The following TTLL11 variants were observed in gnomAD, a reference collection of about 807,000 sequenced individuals.
TTLL11 encodes tubulin polyglutamylase TTLL11.
In TTLL11, 42 loss-of-function variants were observed where a neutral mutation model predicts 51.7. The observed-to-expected ratio is 0.81, with a 90% CI of 0.64 to 1.05. TTLL11 has a LOEUF of 1.05. Among genes scored for constraint, TTLL11 ranks in the 50% least tolerant of loss-of-function variants. TTLL11 has a pLI of 0.00. For synonymous variants in TTLL11, 381 were observed against 383.5 expected (o/e 0.99, Z 0.08); for missense variants, 799 against 940.4 (o/e 0.85, Z 1.97).
At chr9:122,065,217 A>C (rs772244272) in intron 1 of TTLL11, among the ~76,000 whole-genome samples, 19 of 152,182 alleles carry the variant, frequency 1.2e-4, no homozygotes, top group Non-Finnish European at 2.6e-4. Flanking sequence ...CCTAAAACCC[A>C]AAACAATCGT....
intron 3 of TTLL11, among the ~76,000 whole-genome samples, chr9:121,992,768 G>A (rs962750268): frequency 6.6e-6 from 1 of 152,146 alleles, no homozygotes; most frequent in African/African-American, 2.4e-5. Flanking sequence ...CTGGCACTCC[G>A]CGGGCCTACT....
intron 1 of TTLL11, among the ~76,000 whole-genome samples, chr9:122,082,501 CAAAAAAA>C (rs35349693): frequency 2.6e-4 from 22 of 84,654 alleles, no homozygotes; most frequent in African/African-American, 6.5e-4. Context: ...GACTCTGTCT[CAAAAAAA>C]AAAAAAAAAA....
chr9:122,031,935 A>T (rs1458600984), intron 2 of TTLL11, 79 bp from the exon 3 acceptor site: 1 of 1,527,254 alleles, frequency 6.5e-7, no homozygotes, highest in African/African-American at 1.4e-5. Flanking sequence ...GGACTTTTAA[A>T]ACCACCCACC....
At chr9:121,937,306 T>G (rs1022658109) in intron 6 of TTLL11, among the ~76,000 whole-genome samples, 3 of 152,222 alleles carry the variant, frequency 2.0e-5, no homozygotes, top group African/African-American at 7.2e-5. Context: ...AGATGTAGTC[T>G]ATGAGGTAGA....
At chr9:121,834,913 C>T (rs372757384) in intron 8 of TTLL11, among the ~76,000 whole-genome samples, 53 of 152,004 alleles carry the variant, frequency 3.5e-4, no homozygotes, top group African/African-American at 1.2e-3. Context: ...TGGCCTGGAG[C>T]GCTATCACAA....
Position 121,818,260 on chromosome 9 carries a change from G to A in TTLL11, c.*4327C>T, listed in dbSNP as rs1836468909. 1 of 152,332 alleles carries A rather than the reference G, an allele frequency of 6.6e-6. No individual in the cohort carries two copies. The highest frequency in any genetic ancestry group is 6.5e-5 in the Admixed American group (1 of 15,286). The allele number at this position is 152,332 out of a possible 1,614,324, so 9.4% of individuals were successfully genotyped here. A position where few individuals can be genotyped will look rare whatever the true frequency, so the allele number is the denominator to read the frequency against. ...TGGAGAGACACCTAGAGTCGGAGGA[G>A]CTATTATCTGTTTACGGACACAGGA... On this transcript the variant is annotated 3_prime_UTR_variant, in exon 9 of 9. Coordinates refer to ENST00000321582, the MANE Select transcript of TTLL11 (RefSeq NM_001139442.2).
chr9:121,867,550 T>C (rs1420698336), intron 7 of TTLL11, among the ~76,000 whole-genome samples: 1 of 152,206 alleles, frequency 6.6e-6, no homozygotes, highest in East Asian at 1.9e-4. Context: ...AAGGAAGCAT[T>C]TCCATTTCTA....
At chr9:121,912,014 A>G (rs962720383) in intron 6 of TTLL11, among the ~76,000 whole-genome samples, 2 of 152,196 alleles carry the variant, frequency 1.3e-5, no homozygotes, top group East Asian at 3.9e-4. Flanking sequence ...AGGGCATTGG[A>G]GCATTAACAA....
chr9:122,063,430 C>T (rs957922792), intron 1 of TTLL11, among the ~76,000 whole-genome samples: 5 of 152,042 alleles, frequency 3.3e-5, no homozygotes, highest in Non-Finnish European at 5.9e-5. Context: ...TGCTAGAAAA[C>T]AGGTCACTAG....
rs71371911 is a variant in TTLL11 at position 122,006,981 on chromosome 9, CAAAAAAA to C, written c.694-17218_694-17212del. Among the ~76,000 whole-genome samples, 70 of 43,458 alleles carry C rather than the reference CAAAAAAA, an allele frequency of 1.6e-3. No individual in the cohort carries two copies. In the East Asian group the frequency reaches 0.018, roughly 11 times the overall value. 28.5% of individuals were successfully genotyped at this position (43,458 alleles called of 152,430 possible). On this transcript the variant is annotated intron_variant, in intron 3 of 8. Transcript: ENST00000321582. ...TCGGTGGCAGAGCGAGATACTCTGT[CAAAAAAA>C]AAAAAAAAAAAAAAAAAAAAACTTT...
chr9:122,071,451 C>T (rs1042249835), intron 1 of TTLL11, among the ~76,000 whole-genome samples: 1 of 152,268 alleles, frequency 6.6e-6, no homozygotes, highest in Admixed American at 6.5e-5. Flanking sequence ...AAGGGGGCAC[C>T]ACTGCCTAGA....
At position 121,989,972 on chromosome 9, in the gene TTLL11, T is replaced by C. The variant is rs41277114; in HGVS notation, c.694-202A>G. The stretch of plus-strand genomic sequence containing the variant: ...ATCAGGACTGTCCCCAGTCTTGTGC[T>C]CCAGAGCGAGGTGGAGAGTGTAGTG... On this transcript the variant is annotated intron_variant, in intron 3 of 8. Transcript: ENST00000321582. This position sits in a 1 kb window ranked among gnomAD's most constrained non-coding sequence, Gnocchi z 4.2. 6.6e-5 allele frequency among the ~76,000 whole-genome samples: 10 copies of C among 152,270 alleles called. No homozygotes were observed. The highest frequency in any genetic ancestry group is 1.9e-4 in the African/African-American group (8 of 41,550).
intron 3 of TTLL11, among the ~76,000 whole-genome samples, chr9:122,004,824 T>G (rs1843591775): frequency 6.6e-6 from 1 of 152,220 alleles, no homozygotes; most frequent in Non-Finnish European, 1.5e-5. Context: ...TCAGTGTACC[T>G]GCTCACACTT....
chr9:122,066,766 G>T (rs1017978810), intron 1 of TTLL11, among the ~76,000 whole-genome samples: 1 of 152,144 alleles, frequency 6.6e-6, no homozygotes, highest in Non-Finnish European at 1.5e-5. Flanking sequence ...ATCAAGAACT[G>T]CCCCAGACTG....
chr9:121,819,178 C>T lies in TTLL11; in HGVS notation c.*3409G>A, dbSNP rs576639026. 50 of 152,446 alleles carry T rather than the reference C, an allele frequency of 3.3e-4. No homozygotes were observed. Among genetic ancestry groups the T allele is most frequent in the African/African-American group, 1.1e-3 (46 of 41,564 alleles). 9.4% of individuals were successfully genotyped at this position (152,446 alleles called of 1,614,324 possible). ...GCACTTGCTAACAGCTGCACTGAAT[C>T]TAGCGGGTCTTTATAAGTATAAGCA... is the stretch of plus-strand genomic sequence containing the variant. On this transcript the variant is annotated 3_prime_UTR_variant, in exon 9 of 9. Coordinates refer to ENST00000321582, the MANE Select transcript of TTLL11 (RefSeq NM_001139442.2).
chr9:122,080,914 T>C (rs1845988665), intron 1 of TTLL11, among the ~76,000 whole-genome samples: 1 of 152,196 alleles, frequency 6.6e-6, no homozygotes, highest in South Asian at 2.1e-4. Context: ...ACATTAATGT[T>C]AATGATACAA....
chr9:122,065,764 G>A (rs1487293778), intron 1 of TTLL11, among the ~76,000 whole-genome samples: 1 of 152,200 alleles, frequency 6.6e-6, no homozygotes, highest in Non-Finnish European at 1.5e-5. Flanking sequence ...GAATAGGTGA[G>A]ATAATGGAGG....
intron 1 of TTLL11, among the ~76,000 whole-genome samples, chr9:122,071,368 G>A (rs1382615489): frequency 3.3e-5 from 5 of 152,244 alleles, no homozygotes; most frequent in Middle Eastern, 3.4e-3. Context: ...ATCTCTCCCC[G>A]CTGCTTTGGT....
intron 1 of TTLL11, among the ~76,000 whole-genome samples, chr9:122,077,154 G>A (rs1427295078): frequency 6.6e-6 from 1 of 152,108 alleles, no homozygotes; most frequent in East Asian, 1.9e-4. Flanking sequence ...ATACTTCCAA[G>A]AGAAAGGAAA....
Sources: allele counts gnomAD v4.1 joint callset (sites outside exome capture counted in the v4.1 genomes callset), GRCh38; gene constraint gnomAD v4.1.1; non-coding constraint Gnocchi (gnomAD v3.1); transcripts MANE v1.5; gene names NCBI Gene and HGNC (gene_info 2026-07-23, HGNC 2026-07-21).